GRIK1: variants seen among roughly 807,000 people sequenced by gnomAD.
GRIK1 encodes the protein glutamate ionotropic receptor kainate type subunit 1, also known as glutamate receptor ionotropic, kainate 1.
In GRIK1, 69 loss-of-function variants were observed where a neutral mutation model predicts 105.7. That is an observed-to-expected ratio of 0.65 (90% confidence interval 0.54 to 0.80). The LOEUF (loss-of-function observed/expected upper bound fraction) is 0.80, where lower values mean the gene tolerates loss of function less well. Ranked by LOEUF, GRIK1 falls within the 30% of genes least tolerant of loss-of-function variation. GRIK1 has a pLI of 0.00. For synonymous variants in GRIK1, 438 were observed against 431.3 expected (o/e 1.02, Z -0.19); for missense variants, 1,109 against 1,167.3 (o/e 0.95, Z 0.73).
At chr21:29,848,779 A>ATATATATATTTTTTT in intron 1 of GRIK1, among the ~76,000 whole-genome samples, 1 of 77,864 alleles carries the variant, frequency 1.3e-5, no homozygotes, top group South Asian at 5.4e-4. Context: ...ATATATATAT[A>ATATATATATTTTTTT]TTTTTTTTTT....
intron 1 of GRIK1, among the ~76,000 whole-genome samples, chr21:29,937,071 C>T (rs73188515): frequency 0.016 from 2,504 of 152,198 alleles, 22 homozygotes; most frequent in Non-Finnish European, 0.021. Flanking sequence ...ATACAACTCC[C>T]CTTTCTTTTT....
Position 29,544,885 on chromosome 21 carries a change from C to A in GRIK1, c.2608-7001G>T, listed in dbSNP as rs2090026549. On this transcript the variant is annotated intron_variant, in intron 16 of 17. Coordinates refer to ENST00000327783, the MANE Select transcript of GRIK1 (RefSeq NM_001330994.2). ...CCAAAGCCTAGATGCCAAGGGAGAT[C>A]TGAGGAGGGGCACCTCCTCTGCCTT... Among the ~76,000 whole-genome samples, 4 of 152,368 alleles carry A rather than the reference C, an allele frequency of 2.6e-5. No homozygotes were observed. The South Asian group carries it at 8.3e-4, about 32-fold the overall frequency.
At chr21:29,774,919 A>G in intron 1 of GRIK1, among the ~76,000 whole-genome samples, 1 of 152,126 alleles carries the variant, frequency 6.6e-6, no homozygotes, top group East Asian at 1.9e-4. Flanking sequence ...AAACAAGGGG[A>G]TCCACATTTT....
Position 29,654,742 on chromosome 21 carries a change from C to T in GRIK1, c.780+68G>A, listed in dbSNP as rs1324110982. The T allele has an allele frequency of 1.9e-5, 17 of 908,926 alleles. 1 individual carries two copies. Among genetic ancestry groups the T allele is most frequent in the East Asian group, 7.2e-5 (3 of 41,702 alleles). The allele number at this position is 908,926 out of a possible 1,614,324, so 56.3% of individuals were successfully genotyped here. ...ATCCTGCCTTTGACACTGGTGAGGC[C>T]GACTCTGAAATAACTGTGTGAAGAC... is the stretch of plus-strand genomic sequence containing the variant. On this transcript the variant is annotated intron_variant, in intron 5 of 17. Coordinates refer to ENST00000327783, the MANE Select transcript of GRIK1 (RefSeq NM_001330994.2).
intron 1 of GRIK1, among the ~76,000 whole-genome samples, chr21:29,894,200 C>T (rs1279789293): frequency 6.6e-6 from 1 of 152,022 alleles, no homozygotes. Flanking sequence ...AGAATTGACT[C>T]TCATGATCAT....
At chr21:29,903,301 G>C (rs984301024) in intron 1 of GRIK1, among the ~76,000 whole-genome samples, 20 of 152,176 alleles carry the variant, frequency 1.3e-4, no homozygotes, top group African/African-American at 3.9e-4. Context: ...TTAAACTAAA[G>C]AGCTTCTGCA....
At chr21:29,855,220 C>G (rs536364217) in intron 1 of GRIK1, among the ~76,000 whole-genome samples, 3 of 152,006 alleles carry the variant, frequency 2.0e-5, no homozygotes, top group African/African-American at 7.2e-5. Flanking sequence ...AATTCCTAGC[C>G]CATTGAGATA....
At chr21:29,581,036 A>G (rs895771771) in intron 13 of GRIK1, among the ~76,000 whole-genome samples, 2 of 152,116 alleles carry the variant, frequency 1.3e-5, no homozygotes, top group East Asian at 1.9e-4. Context: ...CAATTGGAAG[A>G]ATCTCAGTGA....
rs1245870172 is a variant in GRIK1, at chr21:29,619,385, C to T, written c.1099-20448G>A. ...CCAAGAGGCAGGGGCTGCAGTGAGC[C>T]GAGATTGTGCCACTGCACTCCAGCC... On this transcript the variant is annotated intron_variant, in intron 7 of 17. Transcript: ENST00000327783. Among the ~76,000 whole-genome samples the T allele has an allele frequency of 5.3e-5, 8 of 151,552 alleles. No homozygotes were observed. The East Asian group carries it at 1.6e-3, about 29-fold the overall frequency.
At chr21:29,739,947 C>T (rs1286751920) in intron 1 of GRIK1, among the ~76,000 whole-genome samples, 1 of 152,166 alleles carries the variant, frequency 6.6e-6, no homozygotes, top group African/African-American at 2.4e-5. Flanking sequence ...AGATAACTGT[C>T]ATATGTTGTG....
chr21:29,871,173 G>A lies in GRIK1; in HGVS notation c.118+68210C>T, dbSNP rs571383094. Among the ~76,000 whole-genome samples, 8 of 152,266 alleles carry A rather than the reference G, an allele frequency of 5.3e-5. No homozygotes were observed. The East Asian group carries it at 1.2e-3, about 22-fold the overall frequency. ...CTTTCTCTTCTGTAACTAGACACAA[G>A]CTTCCAGAGGGCAGGGATTGCATCC... On this transcript the variant is annotated intron_variant, in intron 1 of 17. Coordinates refer to ENST00000327783, the MANE Select transcript of GRIK1 (RefSeq NM_001330994.2).
chr21:29,624,522 A>T (rs1461783910), intron 7 of GRIK1, among the ~76,000 whole-genome samples: 3 of 152,222 alleles, frequency 2.0e-5, no homozygotes, highest in Non-Finnish European at 2.9e-5. Flanking sequence ...ATGAGTAGAA[A>T]ATCTCTAACA....
chr21:29,874,485 A>G (rs1472497209), intron 1 of GRIK1, among the ~76,000 whole-genome samples: 1 of 152,160 alleles, frequency 6.6e-6, no homozygotes, highest in Non-Finnish European at 1.5e-5. Flanking sequence ...ATGACCAATC[A>G]GAACAAAATG....
chr21:29,628,711 T>G (rs2062188950), intron 7 of GRIK1, among the ~76,000 whole-genome samples: 1 of 152,104 alleles, frequency 6.6e-6, no homozygotes, highest in African/African-American at 2.4e-5. Context: ...GTGAAGTGGG[T>G]GGGAATGGGG....
At chr21:29,823,935 G>A (rs1387888476) in intron 1 of GRIK1, among the ~76,000 whole-genome samples, 1 of 151,764 alleles carries the variant, frequency 6.6e-6, no homozygotes, top group Non-Finnish European at 1.5e-5. Flanking sequence ...TAGTTTAATG[G>A]GAATACCATG....
intron 1 of GRIK1, among the ~76,000 whole-genome samples, chr21:29,813,638 G>A (rs2067071391): frequency 6.6e-6 from 1 of 152,146 alleles, no homozygotes; most frequent in African/African-American, 2.4e-5. Context: ...TGAAGCCACT[G>A]TGTCTAAAGA....
chr21:29,835,906 C>G (rs901800118), intron 1 of GRIK1, among the ~76,000 whole-genome samples: 1 of 152,160 alleles, frequency 6.6e-6, no homozygotes, highest in African/African-American at 2.4e-5. Context: ...CTTAAAGTAA[C>G]CTGTTCCTCA....
chr21:29,914,429 G>T (rs1050280306), intron 1 of GRIK1, among the ~76,000 whole-genome samples: 1 of 152,024 alleles, frequency 6.6e-6, no homozygotes. Context: ...TTTCCTTCCT[G>T]CCCCTATGGG....
chr21:29,899,212 G>T (rs960341173), intron 1 of GRIK1, among the ~76,000 whole-genome samples: 2 of 152,210 alleles, frequency 1.3e-5, no homozygotes, highest in African/African-American at 4.8e-5. Flanking sequence ...CTAAATTTGT[G>T]ATTAGGTCTG....
Sources: gnomAD v4.1 joint callset for allele counts (sites outside exome capture counted in the v4.1 genomes callset) on GRCh38, gnomAD v4.1.1 for gene constraint, MANE v1.5 for transcripts, NCBI Gene and HGNC (gene_info 2026-07-23, HGNC 2026-07-21) for gene names.